Variants in DNAI4 observed in about 807,000 individuals in gnomAD.
DNAI4 encodes WD repeat domain 78.
Under a neutral mutation model 105.8 loss-of-function variants are expected in DNAI4, and 85 were observed. The ratio of observed to expected loss-of-function variants is 0.80; its 90% CI spans 0.67 to 0.96. DNAI4 has a LOEUF of 0.96. Among genes scored for constraint, DNAI4 ranks in the 40% least tolerant of loss-of-function variants. The probability of loss-of-function intolerance (pLI) is 0.00; values close to 1 mark genes in which losing one functional copy is unlikely to be tolerated. For missense variants in DNAI4, 1,014 were observed against 1,005.6 expected (o/e 1.01, Z -0.11); for synonymous variants, 352 against 331.5 (o/e 1.06, Z -0.67).
intron 3 of DNAI4, among the ~76,000 whole-genome samples, 174 bp downstream of exon 3, chr1:66,893,055 G>GAAAGGAAGGAAGGAAGGAAGGAAAGAA (rs1226481232): frequency 1.2e-5 from 1 of 80,740 alleles, no homozygotes; most frequent in African/African-American, 5.4e-5. Flanking sequence ...AAGAAAGAAA[G>GAAAGGAAGGAAGGAAGGAAGGAAAGAA]AGAGAGAGAG....
rs1645917431 is a variant in DNAI4, at chr1:66,833,670, T to A, written c.1928A>T (p.Asn643Ile). The change falls in exon 13 of 17, where the codon AAC (asparagine) becomes ATC (isoleucine). Residue 643 changes from asparagine (N) to isoleucine (I), a missense_variant. Transcript: ENST00000371026. Reference protein sequence around the residue: ...MRLKRTTAASNKKGGEKEKKD... With the variant: ...MRLKRTTAASIKKGGEKEKKD... ...CTTTTCCTTTTCCCCTCCTTTTTTG[T>A]TACTGGCAGCTGTAGTTCTCTTTAA... 2 of 1,613,300 alleles carry A rather than the reference T, an allele frequency of 1.2e-6. No individual in the cohort carries two copies. Among genetic ancestry groups the A allele is most frequent in the South Asian group, 2.2e-5 (2 of 91,058 alleles).
intron 6 of DNAI4, among the ~76,000 whole-genome samples, chr1:66,869,800 A>T (rs946803907): frequency 3.9e-5 from 6 of 152,194 alleles, no homozygotes; most frequent in Non-Finnish European, 8.8e-5. Flanking sequence ...AGCATGGAGA[A>T]ACCAATCAGA....
Position 66,837,687 on chromosome 1 carries a change from CTTCTTA to C in DNAI4, c.1581+17_1581+22del. ...TTTTGTCAACAGCCAGATAAAAATGCTTCTTATTCTTGTTTGGGTTACCATGGGATT... is the reference window on the plus strand; with the variant it reads ...TTTTGTCAACAGCCAGATAAAAATGCTTCTTGTTTGGGTTACCATGGGATT... On this transcript the variant is annotated intron_variant, in intron 10 of 16. Coordinates refer to ENST00000371026, the MANE Select transcript of DNAI4 (RefSeq NM_024763.5). 12 of 1,591,020 alleles carry C rather than the reference CTTCTTA, an allele frequency of 7.5e-6. No individual in the cohort carries two copies. The highest frequency in any genetic ancestry group is 1.0e-5 in the Non-Finnish European group (12 of 1,168,270).
At chr1:66,836,218 GAGAGAGAGAGAGAGAGAA>G (rs1557908447) in intron 10 of DNAI4, among the ~76,000 whole-genome samples, 15 of 86,356 alleles carry the variant, frequency 1.7e-4, no homozygotes, top group Non-Finnish European at 3.1e-4. Context: ...GAGAGAGAGA[GAGAGAGAGAGAGAGAGAA>G]AGAAAGAAAG....
intron 5 of DNAI4, 113 bp downstream of exon 5, chr1:66,874,668 C>A: frequency 1.0e-6 from 1 of 989,690 alleles, no homozygotes; most frequent in Non-Finnish European, 1.4e-6. Flanking sequence ...TCCCCCCAAA[C>A]CCCATAGTGT....
At chr1:66,908,476 T>TC (rs1649419997) in intron 1 of DNAI4, among the ~76,000 whole-genome samples, 2 of 152,188 alleles carry the variant, frequency 1.3e-5, no homozygotes, top group Admixed American at 1.3e-4. Flanking sequence ...CCTACTGAGA[T>TC]TATTCAAAGT....
At position 66,877,452 on chromosome 1, in the gene DNAI4, T is replaced by G. The variant is rs143085210; in HGVS notation, c.644-2515A>C. On this transcript the variant is annotated intron_variant, in intron 4 of 16. Transcript: ENST00000371026. ...TTAGCAATAATTGCTTGGACTTACC[T>G]CTAGACTTTTTTTCAACATTTGGTA... Among the ~76,000 whole-genome samples, 1,238 of 152,206 alleles carry G rather than the reference T, an allele frequency of 8.1e-3. 15 individuals are homozygous for G. Among genetic ancestry groups the G allele is most frequent in the African/African-American group, 0.029 (1,188 of 41,480 alleles).
chr1:66,888,590 G>A (rs1647340675), intron 4 of DNAI4, among the ~76,000 whole-genome samples: 1 of 152,222 alleles, frequency 6.6e-6, no homozygotes, highest in Admixed American at 6.5e-5. Context: ...CTATTCGGGA[G>A]GCTGAGGCAG....
intron 8 of DNAI4, among the ~76,000 whole-genome samples, chr1:66,842,181 T>G (rs1268608918): frequency 6.6e-6 from 1 of 152,192 alleles, no homozygotes; most frequent in African/African-American, 2.4e-5. Flanking sequence ...TGAATAATAT[T>G]CCATTGTCTG....
intron 8 of DNAI4, among the ~76,000 whole-genome samples, chr1:66,841,532 T>C (rs1646147910): frequency 6.6e-6 from 1 of 152,168 alleles, no homozygotes; most frequent in Admixed American, 6.5e-5. Flanking sequence ...TTTAAATTTA[T>C]TTATTTTTAT....
intron 6 of DNAI4, among the ~76,000 whole-genome samples, chr1:66,865,912 C>T (rs1432475277): frequency 1.3e-5 from 2 of 152,170 alleles, no homozygotes; most frequent in East Asian, 3.9e-4. Flanking sequence ...AGTAAGTTTT[C>T]CCTGACAGTA....
chr1:66,830,976 C>CAA (rs71242799), intron 13 of DNAI4, among the ~76,000 whole-genome samples: 6,026 of 81,748 alleles, frequency 0.074, 425 homozygotes, highest in South Asian at 0.1. Flanking sequence ...GACTCTGTCA[C>CAA]AAAAAAAAAA....
rs869249698 is a variant in DNAI4 at position 66,845,217 on chromosome 1, T to TA, written c.1291+2266dup. 6.0e-3 allele frequency among the ~76,000 whole-genome samples: 230 copies of TA among 38,084 alleles called. 1 individual carries two copies. The highest frequency in any genetic ancestry group is 0.021 in the African/African-American group (204 of 9,736). The allele number at this position is 38,084 out of a possible 152,430, so 25.0% of individuals were successfully genotyped here. On this transcript the variant is annotated intron_variant, in intron 8 of 16. Coordinates refer to ENST00000371026, the MANE Select transcript of DNAI4 (RefSeq NM_024763.5). The stretch of plus-strand genomic sequence containing the variant: ...AAAAAAAAAAAAAAAAAAGAAAAAT[T>TA]AAAAAAAAAAAAAAAAAGGCAACTC...
At chr1:66,911,651 A>T (rs997345153) in intron 1 of DNAI4, among the ~76,000 whole-genome samples, 1 of 152,218 alleles carries the variant, frequency 6.6e-6, no homozygotes, top group Non-Finnish European at 1.5e-5. Context: ...TTATTTTACA[A>T]TATCACAGTA....
At chr1:66,874,411 T>G (rs1481321753) in intron 5 of DNAI4, among the ~76,000 whole-genome samples, 2 of 152,118 alleles carry the variant, frequency 1.3e-5, no homozygotes, top group Non-Finnish European at 2.9e-5. Flanking sequence ...ACTATAAAAA[T>G]GTCATTTCTT....
Position 66,834,061 on chromosome 1 carries a change from T to A in DNAI4, c.1821A>T (p.Glu607Asp). The A allele has an allele frequency of 6.2e-7, 1 of 1,612,900 alleles. No homozygotes were observed. The highest frequency in any genetic ancestry group is 8.5e-7 in the Non-Finnish European group (1 of 1,179,446). ...CATCTGCTGATATAGAAACTAGTAT[T>A]TCTCTTTTGCCATCTCCTGTTGTTC... is the stretch of plus-strand genomic sequence containing the variant. ...DRGTTGDGKR[E>D]ILVSISADGR... Residue 607 changes from glutamate to aspartate, a missense_variant, in exon 12 of 17, where the codon GAA becomes GAT. Glu to Asp is a conservative substitution (Grantham distance 45). Coordinates refer to ENST00000371026, the MANE Select transcript of DNAI4 (RefSeq NM_024763.5).
intron 10 of DNAI4, among the ~76,000 whole-genome samples, chr1:66,836,194 AAGAAAGAAAGAAAG>A (rs1443938062): frequency 0.016 from 1,095 of 70,616 alleles, 46 homozygotes; most frequent in Non-Finnish European, 0.023. Flanking sequence ...GAAAGAAAGA[AAGAAAGAAAGAAAG>A]AGAGAGAGAG....
chr1:66,879,995 C>T (rs902727135), intron 4 of DNAI4, among the ~76,000 whole-genome samples: 1 of 150,162 alleles, frequency 6.7e-6, no homozygotes, highest in African/African-American at 2.5e-5. Context: ...GTCTTTCCTG[C>T]ACTGTTTTCT....
Position 66,847,685 on chromosome 1 carries a change from A to G in DNAI4, c.1097-7T>C. 2.5e-6 allele frequency: 4 copies of G among 1,572,072 alleles called. No homozygotes were observed. Among genetic ancestry groups the G allele is most frequent in the Non-Finnish European group, 3.5e-6 (4 of 1,153,390 alleles). ...AGAGAACTAGTTTCACTATCTACAAAATACAAACATGATACAATGATAAAA... is the reference window on the plus strand; with the variant it reads ...AGAGAACTAGTTTCACTATCTACAAGATACAAACATGATACAATGATAAAA... On this transcript the variant is annotated splice_region_variant and splice_polypyrimidine_tract_variant and intron_variant, in intron 7 of 16. Transcript: ENST00000371026.
Sources: gnomAD v4.1 joint callset for allele counts (sites outside exome capture counted in the v4.1 genomes callset) on GRCh38, gnomAD v4.1.1 for gene constraint, MANE v1.5 for transcripts, NCBI Gene and HGNC (gene_info 2026-07-23, HGNC 2026-07-21) for gene names.